The following PRKN variants were observed in gnomAD, a reference collection of about 807,000 sequenced individuals.
The protein encoded by PRKN is parkin RBR E3 ubiquitin protein ligase.
PRKN carries 56 observed loss-of-function variants against 59.5 expected under a neutral mutation model. That is an observed-to-expected ratio of 0.94 (90% CI 0.76 to 1.18). The LOEUF is 1.18. PRKN is among the 50% of genes most tolerant of loss of function. The pLI is 0.00. For synonymous variants in PRKN, 250 were observed against 222.1 expected (o/e 1.13, Z -1.12); for missense variants, 657 against 596.4 (o/e 1.10, Z -1.06).
chr6:162,169,269 G>A (rs1783144062), intron 4 of PRKN, among the ~76,000 whole-genome samples: 1 of 152,066 alleles, frequency 6.6e-6, no homozygotes, highest in African/African-American at 2.4e-5. Context: ...ATTAGCTGAG[G>A]GACTTCAGGT....
intron 2 of PRKN, among the ~76,000 whole-genome samples, chr6:162,326,373 A>C (rs1158003960): frequency 2.0e-5 from 3 of 152,172 alleles, no homozygotes; most frequent in African/African-American, 7.2e-5. Context: ...CTAAAGCAGT[A>C]TGTTTGCACT....
intron 1 of PRKN, among the ~76,000 whole-genome samples, chr6:162,667,997 CAA>C (rs893488215): frequency 7.2e-5 from 11 of 151,940 alleles, no homozygotes; most frequent in African/African-American, 2.7e-4. Flanking sequence ...AACTCATAGA[CAA>C]GAGAGGAAAA....
intron 1 of PRKN, among the ~76,000 whole-genome samples, chr6:162,551,725 ATGTATTTGTGAGCT>A (rs1392345357): frequency 2.0e-5 from 3 of 152,210 alleles, no homozygotes; most frequent in Admixed American, 6.5e-5. Flanking sequence ...TCGTTGTAAC[ATGTATTTGTGAGCT>A]ACTTGAAGAA....
At chr6:161,509,802 C>G (rs1294476753) in intron 9 of PRKN, among the ~76,000 whole-genome samples, 1 of 147,086 alleles carries the variant, frequency 6.8e-6, no homozygotes, top group African/African-American at 2.5e-5. Context: ...ATTGCTTGAA[C>G]CCAGGAGGCA....
intron 6 of PRKN, among the ~76,000 whole-genome samples, chr6:161,902,564 A>ATCTATTTTTTTTTTTTTTTTT (rs1242030157): frequency 6.2e-4 from 69 of 112,026 alleles, no homozygotes; most frequent in Middle Eastern, 5.1e-3. Context: ...TTATTTATTT[A>ATCTATTTTTTTTTTTTTTTTT]TTTTTTTTTT....
intron 1 of PRKN, among the ~76,000 whole-genome samples, chr6:162,505,424 C>T (rs548914095): frequency 6.6e-6 from 1 of 152,206 alleles, no homozygotes; most frequent in South Asian, 2.1e-4. Flanking sequence ...ATCAGCATCA[C>T]CTGGAAACGT....
At chr6:162,111,336 G>A (rs1780428553) in intron 4 of PRKN, among the ~76,000 whole-genome samples, 1 of 152,086 alleles carries the variant, frequency 6.6e-6, no homozygotes, top group Non-Finnish European at 1.5e-5. Context: ...GTTGTGGCAT[G>A]CATCTGTAGT....
At chr6:162,362,041 G>A (rs898705724) in intron 2 of PRKN, among the ~76,000 whole-genome samples, 4 of 152,190 alleles carry the variant, frequency 2.6e-5, no homozygotes, top group East Asian at 1.9e-4. Flanking sequence ...ATTCTACACC[G>A]TGTGTGTTAA....
intron 1 of PRKN, among the ~76,000 whole-genome samples, chr6:162,598,195 T>C (rs557312358): frequency 2.0e-5 from 3 of 152,196 alleles, no homozygotes; most frequent in Non-Finnish European, 4.4e-5. Flanking sequence ...GTTTTAATCA[T>C]ATCATGGAAG....
At chr6:161,768,685 T>C (rs550543823) in intron 7 of PRKN, among the ~76,000 whole-genome samples, 3 of 152,314 alleles carry the variant, frequency 2.0e-5, no homozygotes, top group Admixed American at 2.0e-4. Flanking sequence ...CCCAATTCCA[T>C]TAGAATACCG....
intron 2 of PRKN, among the ~76,000 whole-genome samples, chr6:162,281,525 A>G (rs1025151641): frequency 5.3e-5 from 8 of 152,206 alleles, no homozygotes; most frequent in African/African-American, 1.2e-4. Flanking sequence ...CTAACCTGCT[A>G]TATCCTACAC....
At chr6:162,083,688 A>AT (rs1779147865) in intron 4 of PRKN, among the ~76,000 whole-genome samples, 1 of 138,672 alleles carries the variant, frequency 7.2e-6, no homozygotes, top group South Asian at 2.4e-4. Context: ...CTTTTTAGGA[A>AT]TTAAAAATAG....
rs545377159 is a variant in PRKN at position 162,408,576 on chromosome 6, G to A, written c.171+34734C>T. On this transcript the variant is annotated intron_variant, in intron 2 of 11. Coordinates refer to ENST00000366898, the MANE Select transcript of PRKN (RefSeq NM_004562.3). ...TATATTCTATCCATAATTTGCAAAC[G>A]TACCACTAACTTACACTAAAGAGAT... Among the ~76,000 whole-genome samples the A allele has an allele frequency of 9.9e-5, 15 of 152,206 alleles. No homozygotes were observed. In the South Asian group the frequency reaches 2.1e-3, roughly 21 times the overall value.
At chr6:162,325,139 T>TGCCGGCCAAATAATGGGTTA (rs75305414) in intron 2 of PRKN, among the ~76,000 whole-genome samples, 1 of 151,918 alleles carries the variant, frequency 6.6e-6, no homozygotes, top group Non-Finnish European at 1.5e-5. Context: ...ACTTTATTAG[T>TGCCGGCCAAATAATGGGTTA]GCTAGAGCCC....
At chr6:161,761,121 T>C (rs1789182063) in intron 7 of PRKN, among the ~76,000 whole-genome samples, 1 of 152,274 alleles carries the variant, frequency 6.6e-6, no homozygotes, top group South Asian at 2.1e-4. Flanking sequence ...TAAGGTATTA[T>C]GGCCAGTTAA....
intron 1 of PRKN, among the ~76,000 whole-genome samples, chr6:162,614,338 T>G (rs1385558884): frequency 6.6e-6 from 1 of 152,118 alleles, no homozygotes; most frequent in African/African-American, 2.4e-5. Flanking sequence ...AACCTGTAAG[T>G]GCAAAATCAG....
intron 2 of PRKN, among the ~76,000 whole-genome samples, chr6:162,372,660 C>T (rs1327773754): frequency 3.3e-5 from 5 of 151,580 alleles, no homozygotes; most frequent in Admixed American, 2.0e-4. Context: ...CTCAGCATCA[C>T]GCAATATACC....
intron 2 of PRKN, among the ~76,000 whole-genome samples, chr6:162,380,041 G>A (rs1296271131): frequency 4.6e-5 from 7 of 151,894 alleles, no homozygotes; most frequent in African/African-American, 1.7e-4. Flanking sequence ...AGATAAACAG[G>A]GTATAAGACA....
chr6:162,629,041 A>C, intron 1 of PRKN, among the ~76,000 whole-genome samples: 1 of 152,146 alleles, frequency 6.6e-6, no homozygotes, highest in African/African-American at 2.4e-5. Context: ...ATTAATCTGG[A>C]TAATGATCCA....
Sources: gnomAD v4.1 joint callset for allele counts (sites outside exome capture counted in the v4.1 genomes callset) on GRCh38, gnomAD v4.1.1 for gene constraint, MANE v1.5 for transcripts, NCBI Gene and HGNC (gene_info 2026-07-23, HGNC 2026-07-21) for gene names.